The following KCNH7 variants were observed in gnomAD, a reference collection of about 807,000 sequenced individuals.
KCNH7 encodes the protein voltage-gated inwardly rectifying potassium channel KCNH7.
KCNH7 carries 49 observed loss-of-function variants against 120.8 expected under a neutral mutation model. The observed-to-expected ratio is 0.41, with a 90% confidence interval of 0.32 to 0.51. KCNH7 has a LOEUF of 0.51. KCNH7 is among the 20% of genes least tolerant of loss of function. The pLI is 0.38. For synonymous variants in KCNH7, 547 were observed against 516.1 expected, an observed-to-expected ratio of 1.06 and a Z score of -0.81; for missense variants, 1,097 against 1,446.6, an observed-to-expected ratio of 0.76 and a Z score of 3.92.
intron 2 of KCNH7, among the ~76,000 whole-genome samples, chr2:162,694,227 A>C (rs2105332836): frequency 6.6e-6 from 1 of 152,318 alleles, no homozygotes; most frequent in Middle Eastern, 3.4e-3. Context: ...GAAATAATGA[A>C]CATCCTTCTG....
chr2:162,439,344 T>A (rs1688350213), intron 7 of KCNH7, among the ~76,000 whole-genome samples: 1 of 152,098 alleles, frequency 6.6e-6, no homozygotes. Context: ...ATGTGGTTAT[T>A]GTTATAAAAT....
chr2:162,415,487 G>A (rs189591830), intron 9 of KCNH7, among the ~76,000 whole-genome samples: 1 of 152,178 alleles, frequency 6.6e-6, no homozygotes, highest in Non-Finnish European at 1.5e-5. Context: ...AAGATATAAA[G>A]TACTTTTTAA....
intron 2 of KCNH7, among the ~76,000 whole-genome samples, chr2:162,689,975 A>G (rs1034323765): frequency 6.6e-6 from 1 of 152,200 alleles, no homozygotes; most frequent in African/African-American, 2.4e-5. Context: ...CAAGGAATCA[A>G]TTTAAATGCT....
intron 9 of KCNH7, among the ~76,000 whole-genome samples, chr2:162,410,973 A>T (rs1013481983): frequency 3.3e-5 from 5 of 152,132 alleles, no homozygotes; most frequent in African/African-American, 1.2e-4. Flanking sequence ...GGTTGTGGAG[A>T]AGAGTGAACA....
chr2:162,734,971 T>C (rs560090654), intron 2 of KCNH7, among the ~76,000 whole-genome samples: 1 of 152,284 alleles, frequency 6.6e-6, no homozygotes, highest in South Asian at 2.1e-4. Flanking sequence ...CTGCCTTGCA[T>C]CCAAGCCTAG....
chr2:162,485,976 T>C (rs901908641), intron 6 of KCNH7, among the ~76,000 whole-genome samples: 1 of 152,200 alleles, frequency 6.6e-6, no homozygotes, highest in South Asian at 2.1e-4. Context: ...ACTGTGTTGC[T>C]GATAATGGCA....
chr2:162,430,031 G>A (rs189864476), intron 8 of KCNH7, among the ~76,000 whole-genome samples: 21 of 151,414 alleles, frequency 1.4e-4, no homozygotes, highest in Admixed American at 2.0e-4. Flanking sequence ...CTTCTTCAAT[G>A]CTTGTAACTT....
At chr2:162,717,279 C>T (rs934358842) in intron 2 of KCNH7, among the ~76,000 whole-genome samples, 2 of 152,104 alleles carry the variant, frequency 1.3e-5, no homozygotes, top group African/African-American at 2.4e-5. Flanking sequence ...ATCTATGAGA[C>T]ATTACTACTG....
At chr2:162,713,400 C>T (rs1686996890) in intron 2 of KCNH7, among the ~76,000 whole-genome samples, 1 of 151,964 alleles carries the variant, frequency 6.6e-6, no homozygotes, top group Non-Finnish European at 1.5e-5. Flanking sequence ...GTATTTTGAT[C>T]CCAAACTGTA....
intron 2 of KCNH7, among the ~76,000 whole-genome samples, chr2:162,702,779 A>T (rs772646280): frequency 9.2e-5 from 14 of 152,080 alleles, no homozygotes; most frequent in Non-Finnish European, 1.8e-4. Flanking sequence ...TTATCAAGTG[A>T]GTTTCTATTT....
chr2:162,429,127 T>C (rs1287516715), intron 8 of KCNH7, among the ~76,000 whole-genome samples: 1 of 151,856 alleles, frequency 6.6e-6, no homozygotes, highest in Admixed American at 6.6e-5. Context: ...TGTTGGCTTG[T>C]TAGCTATAGT....
At chr2:162,410,350 G>A (rs544326551) in intron 9 of KCNH7, among the ~76,000 whole-genome samples, 1 of 152,158 alleles carries the variant, frequency 6.6e-6, no homozygotes, top group East Asian at 1.9e-4. Context: ...TTCAATAAAT[G>A]ATGTTTGGAT....
At chr2:162,469,487 C>T (rs1018189864) in intron 6 of KCNH7, among the ~76,000 whole-genome samples, 7 of 151,810 alleles carry the variant, frequency 4.6e-5, no homozygotes, top group Admixed American at 2.6e-4. Context: ...TCTTTGACAA[C>T]GGTACTAGTT....
intron 2 of KCNH7, among the ~76,000 whole-genome samples, chr2:162,783,826 G>C (rs950500899): frequency 6.6e-6 from 1 of 151,850 alleles, no homozygotes; most frequent in Non-Finnish European, 1.5e-5. Flanking sequence ...CCTGAGCTTC[G>C]AACATAAGAA....
intron 14 of KCNH7, among the ~76,000 whole-genome samples, chr2:162,378,072 G>A (rs1167021703): frequency 2.5e-4 from 38 of 152,140 alleles, no homozygotes; most frequent in Admixed American, 2.5e-3. Flanking sequence ...GTCCAAGTCA[G>A]GAATTATACG....
chr2:162,490,099 C>G (rs544474787), intron 6 of KCNH7, among the ~76,000 whole-genome samples: 1 of 152,342 alleles, frequency 6.6e-6, no homozygotes, highest in East Asian at 1.9e-4. Flanking sequence ...TTTAGGCAGA[C>G]AGTAAGGGGA....
At chr2:162,609,534 T>C (rs1460536715) in intron 2 of KCNH7, among the ~76,000 whole-genome samples, 2 of 152,172 alleles carry the variant, frequency 1.3e-5, no homozygotes, top group African/African-American at 4.8e-5. Context: ...TCAGAGATCA[T>C]TTAGTCTAAC....
At position 162,514,960 on chromosome 2, in the gene KCNH7, C is replaced by A. The variant is rs79266891; in HGVS notation, c.893-2286G>T. 3.5e-3 allele frequency among the ~76,000 whole-genome samples: 531 copies of A among 151,836 alleles called. 19 individuals carry two copies. The East Asian group carries it at 0.091, about 26-fold the overall frequency. On this transcript the variant is annotated intron_variant, in intron 4 of 15. Transcript: ENST00000332142. ...CTTCGAAATCTTGTGCATGATTTCA[C>A]CTGTTAATCAGTTACATGAATTCAT...
rs11682120 is a variant in KCNH7, at chr2:162,681,165, A to C, written c.308-144085T>G. On this transcript the variant is annotated intron_variant, in intron 2 of 15. Coordinates refer to ENST00000332142, the MANE Select transcript of KCNH7 (RefSeq NM_033272.4). ...AAGAGAGGCAAAATAAAAATAAATA[A>C]AGTGATAGTTAAGTGTAAAATATTC... Among the ~76,000 whole-genome samples, 628 of 151,922 alleles carry C rather than the reference A, an allele frequency of 4.1e-3. 4 individuals are homozygous for C. Among genetic ancestry groups the C allele is most frequent in the Non-Finnish European group, 4.9e-3 (333 of 67,812 alleles).
Sources: gnomAD v4.1 joint callset for allele counts (sites outside exome capture counted in the v4.1 genomes callset) on GRCh38, gnomAD v4.1.1 for gene constraint, MANE v1.5 for transcripts, NCBI Gene and HGNC (gene_info 2026-07-23, HGNC 2026-07-21) for gene names.